CDH13: variants seen among roughly 807,000 people sequenced by gnomAD.
CDH13 encodes cadherin 13, also known as cadherin-13.
CDH13 carries 24 observed loss-of-function variants against 63.8 expected under a neutral mutation model. That is an observed-to-expected ratio of 0.38 (90% CI 0.27 to 0.53). CDH13 has a LOEUF of 0.53. Ranked by LOEUF, CDH13 falls within the 20% of genes least tolerant of loss-of-function variation. The pLI is 0.85. For missense variants in CDH13, 1,049 were observed against 903.1 expected (o/e 1.16, Z -2.07); for synonymous variants, 503 against 355.3 (o/e 1.42, Z -4.67).
In CDH13 at chr16:83,428,226, C is replaced by A. The variant is rs186664657; in HGVS notation, c.782-58251C>A. Among the ~76,000 whole-genome samples, 248 of 152,148 alleles carry A rather than the reference C, an allele frequency of 1.6e-3. 2 individuals carry two copies. Among genetic ancestry groups the A allele is most frequent in the African/African-American group, 5.7e-3 (237 of 41,496 alleles). The stretch of plus-strand genomic sequence containing the variant: ...AACTTCATGTGACCTTCCATGGGAT[C>A]CAAGAGGGATTCAATGACTGAGAAA... On this transcript the variant is annotated intron_variant, in intron 6 of 13. Coordinates refer to ENST00000567109, the MANE Select transcript of CDH13 (RefSeq NM_001257.5).
At chr16:83,114,989 C>T (rs2035227116) in intron 3 of CDH13, among the ~76,000 whole-genome samples, 1 of 152,174 alleles carries the variant, frequency 6.6e-6, no homozygotes, top group South Asian at 2.1e-4. Context: ...TAAGCTGTCC[C>T]CCTGCAGTAT....
In CDH13 at chr16:82,627,563, G is replaced by C. The variant is rs369258011; in HGVS notation, c.45+426G>C. 1.6e-4 allele frequency among the ~76,000 whole-genome samples: 24 copies of C among 152,210 alleles called. 1 individual carries two copies. In the South Asian group the frequency reaches 2.7e-3, roughly 17 times the overall value. ...GTTTTCCCCAGCCCAACGCCCAGCG[G>C]CCGAAGCGCTGCTCGGGTCCGGATT... is the stretch of plus-strand genomic sequence containing the variant. On this transcript the variant is annotated intron_variant, in intron 1 of 13. Transcript: ENST00000567109.
intron 4 of CDH13, among the ~76,000 whole-genome samples, chr16:83,202,232 A>T (rs1455989861): frequency 6.6e-6 from 1 of 152,184 alleles, no homozygotes; most frequent in Non-Finnish European, 1.5e-5. Flanking sequence ...CACAAAGGGC[A>T]GCCCGGGACT....
chr16:83,763,645 G>T (rs1486243461), intron 11 of CDH13, among the ~76,000 whole-genome samples: 8 of 152,142 alleles, frequency 5.3e-5, no homozygotes, highest in Non-Finnish European at 1.2e-4. Flanking sequence ...GAAGCCATTA[G>T]TTATGATGGC....
chr16:82,889,346 C>T (rs910344893), intron 2 of CDH13, among the ~76,000 whole-genome samples: 7 of 151,852 alleles, frequency 4.6e-5, no homozygotes, highest in Middle Eastern at 3.2e-3. Flanking sequence ...ATCTACCAAC[C>T]AACCAACCTA....
intron 9 of CDH13, among the ~76,000 whole-genome samples, chr16:83,674,873 A>T (rs1193223710): frequency 6.6e-6 from 1 of 152,242 alleles, no homozygotes; most frequent in African/African-American, 2.4e-5. Flanking sequence ...TTTATTTTCT[A>T]TTCTGTCCTC....
At chr16:83,061,183 T>C (rs958171208) in intron 3 of CDH13, among the ~76,000 whole-genome samples, 2 of 152,216 alleles carry the variant, frequency 1.3e-5, no homozygotes, top group Admixed American at 1.3e-4. Context: ...GGCCCAGGTT[T>C]CCAGGATCCT....
intron 5 of CDH13, among the ~76,000 whole-genome samples, chr16:83,260,111 C>T (rs1204143309): frequency 6.8e-6 from 1 of 146,378 alleles, no homozygotes; most frequent in East Asian, 2.0e-4. Flanking sequence ...CACACACACA[C>T]ACACACACAC....
intron 1 of CDH13, among the ~76,000 whole-genome samples, chr16:82,788,069 G>T (rs546925875): frequency 6.6e-6 from 1 of 152,276 alleles, no homozygotes; most frequent in African/African-American, 2.4e-5. Flanking sequence ...TAATAAGTCA[G>T]TGCTCTCTGG....
At chr16:83,025,756 G>C (rs1053630784) in intron 2 of CDH13, among the ~76,000 whole-genome samples, 2 of 152,146 alleles carry the variant, frequency 1.3e-5, no homozygotes, top group Non-Finnish European at 2.9e-5. Flanking sequence ...TTGCTGGCAT[G>C]CCAGTCCCCA....
chr16:82,818,344 A>C (rs1462687374), intron 1 of CDH13, among the ~76,000 whole-genome samples: 3 of 152,202 alleles, frequency 2.0e-5, no homozygotes, highest in Admixed American at 6.6e-5. Context: ...GATAAAAAAG[A>C]CCACTTTCTT....
At chr16:83,531,542 C>G (rs570898396) in intron 7 of CDH13, among the ~76,000 whole-genome samples, 2 of 152,316 alleles carry the variant, frequency 1.3e-5, no homozygotes, top group South Asian at 2.1e-4. Context: ...TGAGACATGC[C>G]TTTCACTTTC....
intron 7 of CDH13, among the ~76,000 whole-genome samples, chr16:83,583,102 C>A (rs1238101986): frequency 1.3e-5 from 2 of 152,176 alleles, no homozygotes; most frequent in African/African-American, 4.8e-5. Flanking sequence ...GGCCCCAGTT[C>A]CTTAGTTTCC....
At chr16:82,838,068 C>G (rs2038845649) in intron 1 of CDH13, among the ~76,000 whole-genome samples, 1 of 152,210 alleles carries the variant, frequency 6.6e-6, no homozygotes, top group Admixed American at 6.5e-5. Flanking sequence ...TCCCATCACC[C>G]CGCAGATCCT....
At chr16:83,666,404 TATA>T (rs1913952993) in intron 8 of CDH13, among the ~76,000 whole-genome samples, 1 of 152,262 alleles carries the variant, frequency 6.6e-6, no homozygotes, top group Non-Finnish European at 1.5e-5. Flanking sequence ...TAACAAATAC[TATA>T]ATAATTGTGT....
chr16:83,346,522 G>A (rs1398676968), intron 6 of CDH13, among the ~76,000 whole-genome samples: 3 of 152,184 alleles, frequency 2.0e-5, no homozygotes, highest in Non-Finnish European at 4.4e-5. Flanking sequence ...GAATTCAGAT[G>A]GGCTGGGAAA....
intron 5 of CDH13, among the ~76,000 whole-genome samples, chr16:83,267,705 A>G (rs1056739140): frequency 3.9e-5 from 6 of 152,228 alleles, no homozygotes; most frequent in African/African-American, 1.4e-4. Flanking sequence ...TGGAGCAAGG[A>G]GGCCTCGCCT....
At chr16:83,466,483 C>G (rs2073319511) in intron 6 of CDH13, among the ~76,000 whole-genome samples, 1 of 152,224 alleles carries the variant, frequency 6.6e-6, no homozygotes, top group Admixed American at 6.5e-5. Flanking sequence ...AGCACACAGC[C>G]TAGTGGCAGT....
chr16:83,060,559 G>A (rs191547407), intron 3 of CDH13, among the ~76,000 whole-genome samples: 78 of 152,192 alleles, frequency 5.1e-4, no homozygotes, highest in African/African-American at 1.8e-3. Context: ...AGAGGCAGTC[G>A]AGGTGTAGAA....
Sources: gnomAD v4.1 joint callset for allele counts (sites outside exome capture counted in the v4.1 genomes callset) on GRCh38, gnomAD v4.1.1 for gene constraint, MANE v1.5 for transcripts, NCBI Gene and HGNC (gene_info 2026-07-23, HGNC 2026-07-21) for gene names.